EBF2: variants seen among roughly 807,000 people sequenced by gnomAD.
The protein encoded by EBF2 is EBF transcription factor 2.
In EBF2, 21 loss-of-function variants were observed where a neutral mutation model predicts 72.8. That is an observed-to-expected ratio of 0.29 (90% CI 0.20 to 0.42). The LOEUF (loss-of-function observed/expected upper bound fraction) is 0.42. Among genes scored for constraint, EBF2 ranks in the 10% least tolerant of loss-of-function variants. The probability of loss-of-function intolerance (pLI) is 1.00; values close to 1 mark genes in which losing one functional copy is unlikely to be tolerated. For synonymous variants in EBF2, 299 were observed against 274.2 expected, an observed-to-expected ratio of 1.09 and a Z score of -0.89; for missense variants, 637 against 731.2, an observed-to-expected ratio of 0.87 and a Z score of 1.49.
chr8:25,981,972 CA>C (rs1347972852), intron 6 of EBF2, among the ~76,000 whole-genome samples: 2 of 151,892 alleles, frequency 1.3e-5, no homozygotes, highest in Non-Finnish European at 2.9e-5. Flanking sequence ...TTTTGCAAAC[CA>C]AAGGCTATCT....
chr8:25,879,251 G>A (rs962713324), intron 10 of EBF2, among the ~76,000 whole-genome samples: 1 of 151,916 alleles, frequency 6.6e-6, no homozygotes, highest in African/African-American at 2.4e-5. Flanking sequence ...TCCATCCATG[G>A]CATTATTTTT....
In EBF2 at chr8:25,843,593, C is replaced by G. The variant is rs1252564669; in HGVS notation, c.*1016G>C. Reference sequence around the variant, plus strand: ...CTTCTTTCCTTGGGATGCTGAAAGCCTGAGACAGACTCAAACATGGGAATT... The same window carrying G: ...CTTCTTTCCTTGGGATGCTGAAAGCGTGAGACAGACTCAAACATGGGAATT... On this transcript the variant is annotated 3_prime_UTR_variant, in exon 16 of 16. Transcript: ENST00000520164. 1 of 152,218 alleles carries G rather than the reference C, an allele frequency of 6.6e-6. No homozygotes were observed. The highest frequency in any genetic ancestry group is 6.5e-5 in the Admixed American group (1 of 15,278). The allele number at this position is 152,218 out of a possible 1,614,324, so 9.4% of individuals were successfully genotyped here. A position where few individuals can be genotyped will look rare whatever the true frequency, so the allele number is the denominator to read the frequency against.
chr8:26,032,100 T>A (rs570444239), intron 6 of EBF2: 4 of 152,326 alleles, frequency 2.6e-5, no homozygotes, highest in Middle Eastern at 3.4e-3. Context: ...CTGCACCTCC[T>A]AACCCATCAT....
chr8:25,920,218 G>A (rs771744382), intron 6 of EBF2, among the ~76,000 whole-genome samples: 1 of 152,162 alleles, frequency 6.6e-6, no homozygotes, highest in Non-Finnish European at 1.5e-5. Context: ...AAAGTATTAT[G>A]CTTTTCTTTC....
chr8:25,994,654 G>A (rs1804594638), intron 6 of EBF2, among the ~76,000 whole-genome samples: 1 of 152,196 alleles, frequency 6.6e-6, no homozygotes, highest in Non-Finnish European at 1.5e-5. Context: ...GGATACAGCT[G>A]GAGGCCATTA....
chr8:25,868,936 G>T (rs75583267), intron 10 of EBF2, among the ~76,000 whole-genome samples: 2,668 of 152,156 alleles, frequency 0.018, 35 homozygotes, highest in Non-Finnish European at 0.028. Context: ...TTTGTTGGCA[G>T]TTTATCATTT....
chr8:25,895,533 A>G (rs187617787), intron 7 of EBF2, among the ~76,000 whole-genome samples: 1 of 152,260 alleles, frequency 6.6e-6, no homozygotes, highest in South Asian at 2.1e-4. Flanking sequence ...AAAATACAAG[A>G]AAGTTTTAAG....
In EBF2 at chr8:26,044,020, T is replaced by C. The variant is rs959242110; in HGVS notation, c.131+709A>G. On this transcript the variant is annotated intron_variant, in intron 1 of 15. Transcript: ENST00000520164. The surrounding 1 kb of genome is among the most constrained non-coding windows in gnomAD (Gnocchi z 4.1). ...AGCCAGTCTAGCTGCTGGTGGCCTT[T>C]TCTCGCCTCTTTCTTCTTCCGCAAC... Among the ~76,000 whole-genome samples the C allele has an allele frequency of 2.0e-5, 3 of 152,216 alleles. No homozygotes were observed. The highest frequency in any genetic ancestry group is 2.0e-4 in the Admixed American group (3 of 15,282).
intron 10 of EBF2, among the ~76,000 whole-genome samples, chr8:25,873,259 C>T (rs1340667356): frequency 6.6e-6 from 1 of 152,168 alleles, no homozygotes; most frequent in Non-Finnish European, 1.5e-5. Context: ...CCAGGTGAGG[C>T]TTTGGTTTAT....
chr8:25,851,420 T>C (rs537802289), intron 14 of EBF2, among the ~76,000 whole-genome samples: 1 of 152,266 alleles, frequency 6.6e-6, no homozygotes, highest in East Asian at 1.9e-4. Flanking sequence ...ATATTAGTGA[T>C]ATTAACATTA....
At chr8:25,929,238 A>G (rs1356344956) in intron 6 of EBF2, among the ~76,000 whole-genome samples, 2 of 152,200 alleles carry the variant, frequency 1.3e-5, no homozygotes, top group Non-Finnish European at 2.9e-5. Context: ...GAGGTTAAGG[A>G]ACTTTCACAA....
intron 6 of EBF2, among the ~76,000 whole-genome samples, chr8:25,968,402 G>C: frequency 1.3e-5 from 2 of 152,088 alleles, no homozygotes; most frequent in East Asian, 3.9e-4. Context: ...TAAGCCTTGA[G>C]GACATTATGC....
At chr8:26,001,045 C>T (rs1804715275) in intron 6 of EBF2, among the ~76,000 whole-genome samples, 1 of 152,136 alleles carries the variant, frequency 6.6e-6, no homozygotes, top group South Asian at 2.1e-4. Flanking sequence ...GCAAATGACT[C>T]CTAGCATGGG....
At chr8:25,891,582 T>A (rs1177036090) in intron 7 of EBF2, among the ~76,000 whole-genome samples, 4 of 132,272 alleles carry the variant, frequency 3.0e-5, no homozygotes, top group African/African-American at 1.0e-4. Flanking sequence ...CCTGTCGTAT[T>A]TTTTTTTTTT....
At chr8:25,914,710 C>T (rs1214375596) in intron 6 of EBF2, among the ~76,000 whole-genome samples, 1 of 152,180 alleles carries the variant, frequency 6.6e-6, no homozygotes, top group Non-Finnish European at 1.5e-5. Flanking sequence ...GACTTACTGG[C>T]TTCTTTAGGC....
chr8:25,875,697 C>G (rs1802509360), intron 10 of EBF2, among the ~76,000 whole-genome samples: 1 of 152,178 alleles, frequency 6.6e-6, no homozygotes, highest in Admixed American at 6.5e-5. Context: ...GTGAAAGGAC[C>G]CAGTCTCATA....
At chr8:25,986,950 C>T (rs1223584047) in intron 6 of EBF2, among the ~76,000 whole-genome samples, 2 of 152,228 alleles carry the variant, frequency 1.3e-5, no homozygotes, top group African/African-American at 2.4e-5. Context: ...CTGGCCATGA[C>T]ACCCTCACCC....
chr8:26,040,133 T>C, intron 4 of EBF2, 32 bp from the exon 5 acceptor site: 1 of 1,605,136 alleles, frequency 6.2e-7, no homozygotes, highest in African/African-American at 1.3e-5. Flanking sequence ...GAAAGGAAGA[T>C]GTGGAGAGGG....
At chr8:26,026,941 A>G (rs1805310269) in intron 6 of EBF2, among the ~76,000 whole-genome samples, 1 of 152,230 alleles carries the variant, frequency 6.6e-6, no homozygotes, top group Non-Finnish European at 1.5e-5. Context: ...CACAAATGTC[A>G]TAGCACAATG....
Sources: allele counts gnomAD v4.1 joint callset (sites outside exome capture counted in the v4.1 genomes callset), GRCh38; gene constraint gnomAD v4.1.1; non-coding constraint Gnocchi (gnomAD v3.1); transcripts MANE v1.5; gene names NCBI Gene and HGNC (gene_info 2026-07-23, HGNC 2026-07-21).